ADCK1: variants seen among roughly 807,000 people sequenced by gnomAD.
ADCK1 encodes the protein aarF domain-containing protein kinase 1.
Under a neutral mutation model 52.3 loss-of-function variants are expected in ADCK1, and 41 were observed. The observed-to-expected ratio is 0.78, with a 90% CI of 0.61 to 1.02. ADCK1 has a LOEUF of 1.02. ADCK1 is among the 50% of genes least tolerant of loss of function. The pLI, the probability that ADCK1 is intolerant of heterozygous loss-of-function variation, is 0.00. For missense variants in ADCK1, 658 were observed against 679.5 expected (o/e 0.97, Z 0.35); for synonymous variants, 250 against 274.6 (o/e 0.91, Z 0.89).
intron 4 of ADCK1, among the ~76,000 whole-genome samples, chr14:77,874,856 T>G (rs1230015771): frequency 6.6e-6 from 1 of 152,084 alleles, no homozygotes; most frequent in African/African-American, 2.4e-5. Context: ...TCTTGGCATT[T>G]GAGTGACTGC....
intron 7 of ADCK1, among the ~76,000 whole-genome samples, chr14:77,916,564 C>T (rs565744739): frequency 6.6e-6 from 1 of 152,194 alleles, no homozygotes; most frequent in Non-Finnish European, 1.5e-5. Flanking sequence ...AGGTGATCTT[C>T]CCACCCCAGC....
chr14:77,840,351 A>G (rs1337933110), intron 3 of ADCK1, among the ~76,000 whole-genome samples: 1 of 149,466 alleles, frequency 6.7e-6, no homozygotes, highest in Non-Finnish European at 1.5e-5. Flanking sequence ...TTTTTTTTCC[A>G]TCTTGTAAAG....
intron 4 of ADCK1, among the ~76,000 whole-genome samples, chr14:77,875,427 T>C (rs8004053): frequency 0.53 from 80,152 of 151,360 alleles, 21,427 homozygotes; most frequent in South Asian, 0.65. Flanking sequence ...CAAGTGGCAC[T>C]GAGCAATGTG....
In ADCK1 at chr14:77,931,657, C is replaced by T. The variant is rs764079575; in HGVS notation, c.1346C>T (p.Ala449Val). 3 of 1,610,164 alleles carry T rather than the reference C, an allele frequency of 1.9e-6. No homozygotes were observed. The highest frequency in any genetic ancestry group is 2.2e-5 in the South Asian group (2 of 91,080). Residue 449 changes from alanine to valine, a missense_variant, in exon 10 of 11, where the codon GCC becomes GTC. Transcript: ENST00000238561. ...RGIEAALGTR[A>V]SASSFLNMSR... Reference sequence around the variant, plus strand: ...ATTGAGGCCGCCCTGGGCACCCGCGCCAGCGCCAGCTCCTTTCTCAACATG... The same window carrying T: ...ATTGAGGCCGCCCTGGGCACCCGCGTCAGCGCCAGCTCCTTTCTCAACATG...
intron 3 of ADCK1, among the ~76,000 whole-genome samples, chr14:77,856,998 A>T (rs1247641999): frequency 6.6e-6 from 1 of 151,382 alleles, no homozygotes; most frequent in Non-Finnish European, 1.5e-5. Flanking sequence ...AAAAAAAAAA[A>T]GTCTAGCAAA....
In ADCK1 at chr14:77,800,393, C is replaced by T. The variant is rs552569327; in HGVS notation, c.-12+223C>T. ...GGCTCGGGTGACTCGCATTGCCCCG[C>T]CCCCCTGCAGTGACTTCTCCAGTTT... On this transcript the variant is annotated intron_variant, in intron 1 of 10. Transcript: ENST00000238561. Among the ~76,000 whole-genome samples, 461 of 152,350 alleles carry T rather than the reference C, an allele frequency of 3.0e-3. 18 individuals are homozygous for T. Among genetic ancestry groups the T allele is most frequent in the Admixed American group, 0.03 (457 of 15,312 alleles).
intron 1 of ADCK1, among the ~76,000 whole-genome samples, chr14:77,801,054 A>T (rs1290840489): frequency 1.3e-5 from 2 of 151,990 alleles, no homozygotes; most frequent in Non-Finnish European, 2.9e-5. Context: ...ACATAGTGAG[A>T]CTCCCGTCTG....
At chr14:77,841,800 C>T (rs1049986711) in intron 3 of ADCK1, among the ~76,000 whole-genome samples, 7 of 143,836 alleles carry the variant, frequency 4.9e-5, no homozygotes, top group South Asian at 4.4e-4. Flanking sequence ...GCCGAGATCA[C>T]ACCACTGCAC....
intron 3 of ADCK1, among the ~76,000 whole-genome samples, chr14:77,844,316 C>T (rs2080815): frequency 0.49 from 74,871 of 151,874 alleles, 19,431 homozygotes; most frequent in Middle Eastern, 0.62. Flanking sequence ...CTCCTGACCA[C>T]GTGTTCCAAC....
chr14:77,870,875 CT>C (rs1412909961), intron 4 of ADCK1, among the ~76,000 whole-genome samples: 1 of 152,172 alleles, frequency 6.6e-6, no homozygotes, highest in East Asian at 1.9e-4. Context: ...CAGGTCTCCC[CT>C]GCAGGCCACT....
rs1208290764 is a variant in ADCK1 at position 77,859,040 on chromosome 14, C to T, written c.220-36C>T. On this transcript the variant is annotated intron_variant, in intron 3 of 10. Coordinates refer to ENST00000238561, the MANE Select transcript of ADCK1 (RefSeq NM_020421.4). Reference sequence around the variant, plus strand: ...AACAAGGTGTAGGGAACAGTCTGCACTCACACCTCTCTGGTCCTGGCCTGT... The same window carrying T: ...AACAAGGTGTAGGGAACAGTCTGCATTCACACCTCTCTGGTCCTGGCCTGT... 1.0e-5 allele frequency: 16 copies of T among 1,555,300 alleles called. No individual in the cohort carries two copies. The African/African-American group carries it at 1.2e-4, about 12-fold the overall frequency.
intron 7 of ADCK1, among the ~76,000 whole-genome samples, chr14:77,918,993 T>C (rs544622023): frequency 6.6e-6 from 1 of 152,336 alleles, no homozygotes; most frequent in East Asian, 1.9e-4. Flanking sequence ...TAAACGCCCA[T>C]AAACACCTGC....
chr14:77,838,064 T>C (rs1406774280), intron 3 of ADCK1, among the ~76,000 whole-genome samples: 3 of 152,220 alleles, frequency 2.0e-5, no homozygotes, highest in African/African-American at 7.2e-5. Context: ...AATAATCTAA[T>C]AGCCTGTTCT....
intron 6 of ADCK1, among the ~76,000 whole-genome samples, chr14:77,906,678 T>G (rs1003472800): frequency 6.6e-6 from 1 of 152,238 alleles, no homozygotes. Context: ...TTAAATTTTT[T>G]TATTTTTCCT....
At chr14:77,803,107 T>C (rs56357355) in intron 1 of ADCK1, among the ~76,000 whole-genome samples, 4,445 of 152,272 alleles carry the variant, frequency 0.029, 209 homozygotes, top group African/African-American at 0.099. Flanking sequence ...ATGGTATCAT[T>C]CACTTTGTGT....
Position 77,914,467 on chromosome 14 carries a change from C to A in ADCK1, c.858+6548C>A, listed in dbSNP as rs373336190. 5.0e-4 allele frequency: 489 copies of A among 985,310 alleles called. 9 individuals are homozygous for A. In the South Asian group the frequency reaches 0.019, roughly 37 times the overall value. 61.0% of individuals were successfully genotyped at this position (985,310 alleles called of 1,614,324 possible). ...AGCGAAAAGGTCTCACATTTGCTTT[C>A]AGCAAATGATTTCTCGAGCAGCTAC... On this transcript the variant is annotated intron_variant, in intron 7 of 10. Coordinates refer to ENST00000238561, the MANE Select transcript of ADCK1 (RefSeq NM_020421.4).
At chr14:77,855,054 A>G (rs1009861786) in intron 3 of ADCK1, among the ~76,000 whole-genome samples, 1 of 152,200 alleles carries the variant, frequency 6.6e-6, no homozygotes, top group Non-Finnish European at 1.5e-5. Context: ...TTTCCTTCGC[A>G]TGGAATAGCA....
intron 5 of ADCK1, among the ~76,000 whole-genome samples, chr14:77,888,972 G>A (rs1459995265): frequency 6.6e-6 from 1 of 152,150 alleles, no homozygotes; most frequent in South Asian, 2.1e-4. Context: ...CTGGTGGGAG[G>A]TAATTGATTC....
intron 3 of ADCK1, among the ~76,000 whole-genome samples, chr14:77,843,200 GT>G (rs767839259): frequency 6.6e-5 from 10 of 151,962 alleles, no homozygotes; most frequent in Non-Finnish European, 1.0e-4. Flanking sequence ...CCAGAGTTTT[GT>G]TTTCTATTCT....
Sources: allele counts gnomAD v4.1 joint callset (sites outside exome capture counted in the v4.1 genomes callset), GRCh38; gene constraint gnomAD v4.1.1; transcripts MANE v1.5; gene names NCBI Gene and HGNC (gene_info 2026-07-23, HGNC 2026-07-21).